The following KCMF1 variants were observed in gnomAD, a reference collection of about 807,000 sequenced individuals.
KCMF1 encodes potassium channel modulatory factor 1, also known as E3 ubiquitin-protein ligase KCMF1.
In KCMF1, 3 loss-of-function variants were observed where a neutral mutation model predicts 41.1. The observed-to-expected ratio is 0.07, with a 90% confidence interval of 0.03 to 0.19. KCMF1 has a LOEUF of 0.19. Ranked by LOEUF, KCMF1 falls within the 10% of genes least tolerant of loss-of-function variation. KCMF1 has a pLI of 1.00. For missense variants in KCMF1, 286 were observed against 488.9 expected (o/e 0.58, Z 3.91); for synonymous variants, 142 against 164.5 (o/e 0.86, Z 1.04).
chr2:85,058,054 G>A lies in KCMF1; in HGVS notation c.*4645G>A, dbSNP rs1675976744. On this transcript the variant is annotated 3_prime_UTR_variant, in exon 7 of 7. Transcript: ENST00000409785. The stretch of plus-strand genomic sequence containing the variant: ...GGTAACTTTACTTGCTGTACAGATA[G>A]TGCACAGATATGGATGAGGGCTGCA... The A allele has an allele frequency of 6.6e-6, 1 of 152,254 alleles. No individual in the cohort carries two copies. The highest frequency in any genetic ancestry group is 2.1e-4 in the South Asian group (1 of 4,832). The allele number at this position is 152,254 out of a possible 1,614,324, so 9.4% of individuals were successfully genotyped here. A position where few individuals can be genotyped will look rare whatever the true frequency, so the allele number is the denominator to read the frequency against.
At chr2:85,008,937 C>T (rs1055338907) in intron 1 of KCMF1, among the ~76,000 whole-genome samples, 1 of 151,902 alleles carries the variant, frequency 6.6e-6, no homozygotes, top group African/African-American at 2.4e-5. Context: ...ACTATATCGC[C>T]CTGGTTGGTC....
chr2:85,040,501 TCTC>T (rs1437602892), intron 3 of KCMF1, among the ~76,000 whole-genome samples: 1 of 152,174 alleles, frequency 6.6e-6, no homozygotes, highest in African/African-American at 2.4e-5. Flanking sequence ...CCCGCTTTGC[TCTC>T]CTTTTTCTTT....
intron 1 of KCMF1, among the ~76,000 whole-genome samples, chr2:85,009,065 G>A (rs1674590667): frequency 6.6e-6 from 1 of 152,038 alleles, no homozygotes; most frequent in Non-Finnish European, 1.5e-5. Context: ...GTTATGGTTT[G>A]GCTCTGTATC....
chr2:85,043,371 T>A (rs1675587755), intron 3 of KCMF1, among the ~76,000 whole-genome samples, 193 bp from the exon 4 acceptor site: 1 of 152,218 alleles, frequency 6.6e-6, no homozygotes, highest in South Asian at 2.1e-4. Flanking sequence ...TCTGAAACTG[T>A]TGTGTTTGAC....
chr2:85,035,240 T>C, intron 3 of KCMF1, 85 bp downstream of exon 3: 9 of 1,129,134 alleles, frequency 8.0e-6, no homozygotes, highest in Non-Finnish European at 8.8e-6. Context: ...CACTGTCATC[T>C]GCTTCCTGCT....
At chr2:84,985,441 T>C (rs1673876657) in intron 1 of KCMF1, among the ~76,000 whole-genome samples, 1 of 152,238 alleles carries the variant, frequency 6.6e-6, no homozygotes, top group Admixed American at 6.5e-5. Context: ...AGCTTTGTCT[T>C]TCTTGACCCC....
intron 1 of KCMF1, among the ~76,000 whole-genome samples, chr2:85,023,725 A>G (rs950436048): frequency 1.3e-5 from 2 of 152,232 alleles, no homozygotes; most frequent in Non-Finnish European, 2.9e-5. Context: ...GAATTTATTT[A>G]AGAGTGAAAT....
At chr2:84,983,532 A>C (rs536382340) in intron 1 of KCMF1, among the ~76,000 whole-genome samples, 3 of 151,770 alleles carry the variant, frequency 2.0e-5, no homozygotes, top group Non-Finnish European at 4.4e-5. Flanking sequence ...TTTGAGATAG[A>C]ATTTCGTTCT....
chr2:85,056,407 TAAAAG>T lies in KCMF1; in HGVS notation c.*3001_*3005del, dbSNP rs1481097396. On this transcript the variant is annotated 3_prime_UTR_variant, in exon 7 of 7. Transcript: ENST00000409785. ...TTTTTTCCGGTCTGTGGGCCACAGT[TAAAAG>T]AACGGGTAACAGGTTCAGAGTTCTC... 2 of 152,288 alleles carry T rather than the reference TAAAAG, an allele frequency of 1.3e-5. No homozygotes were observed. The highest frequency in any genetic ancestry group is 2.4e-5 in the African/African-American group (1 of 41,566). The allele number at this position is 152,288 out of a possible 1,614,324, so 9.4% of individuals were successfully genotyped here. A position where few individuals can be genotyped will look rare whatever the true frequency, so the allele number is the denominator to read the frequency against.
intron 5 of KCMF1, 31 bp downstream of exon 5, chr2:85,046,309 G>A (rs1675666206): frequency 1.3e-6 from 2 of 1,576,482 alleles, no homozygotes; most frequent in Non-Finnish European, 1.7e-6. Context: ...TAAGGGAAAT[G>A]GCAGGGGAAG....
chr2:85,017,150 G>A (rs1334328908), intron 1 of KCMF1, among the ~76,000 whole-genome samples: 2 of 150,078 alleles, frequency 1.3e-5, no homozygotes, highest in African/African-American at 2.4e-5. Flanking sequence ...TCAGCCTCCC[G>A]AGTAGCTGGG....
chr2:85,032,566 G>A (rs1394704449), intron 2 of KCMF1, among the ~76,000 whole-genome samples: 9 of 151,932 alleles, frequency 5.9e-5, no homozygotes, highest in East Asian at 1.9e-4. Flanking sequence ...TAGTAGAGAC[G>A]GGGTTTCACC....
intron 1 of KCMF1, among the ~76,000 whole-genome samples, chr2:84,986,616 G>C (rs145838843): frequency 1.3e-5 from 2 of 151,922 alleles, no homozygotes; most frequent in African/African-American, 4.8e-5. Flanking sequence ...GGTGGCTCAC[G>C]CCTGTAATCC....
intron 1 of KCMF1, among the ~76,000 whole-genome samples, chr2:84,978,091 A>G (rs1013860838): frequency 1.3e-5 from 2 of 151,408 alleles, no homozygotes; most frequent in African/African-American, 4.9e-5. Context: ...TACGCCTCCC[A>G]GGTTCAAGTG....
At position 85,053,527 on chromosome 2, in the gene KCMF1, G is replaced by T; in HGVS notation, c.*118G>T. The T allele has an allele frequency of 9.8e-7, 1 of 1,016,834 alleles. No homozygotes were observed. The highest frequency in any genetic ancestry group is 2.6e-5 in the East Asian group (1 of 38,370). The allele number at this position is 1,016,834 out of a possible 1,614,324, so 63.0% of individuals were successfully genotyped here. On this transcript the variant is annotated 3_prime_UTR_variant, in exon 7 of 7. Coordinates refer to ENST00000409785, the MANE Select transcript of KCMF1 (RefSeq NM_020122.5). ...TCAGGTCTGTCACTCTTGTTACATT[G>T]TGTACATTCAAAAGGAAGAGAGAAA...
rs537160312 is a variant in KCMF1 at position 84,986,729 on chromosome 2, A to T, written c.16+15262A>T. 1.3e-3 allele frequency among the ~76,000 whole-genome samples: 196 copies of T among 152,072 alleles called. 2 individuals carry two copies. Among genetic ancestry groups the T allele is most frequent in the African/African-American group, 4.4e-3 (184 of 41,488 alleles). On this transcript the variant is annotated intron_variant, in intron 1 of 6. Coordinates refer to ENST00000409785, the MANE Select transcript of KCMF1 (RefSeq NM_020122.5). ...TGTCTGTACTTAAGAAAAAAAAAAA[A>T]AAATTAGCCAGGCGTGGTGGTGGGC... is the stretch of plus-strand genomic sequence containing the variant.
At chr2:85,008,123 C>T (rs772671970) in intron 1 of KCMF1, among the ~76,000 whole-genome samples, 22 of 150,818 alleles carry the variant, frequency 1.5e-4, no homozygotes, top group Non-Finnish European at 2.5e-4. Flanking sequence ...AACCTCTGTT[C>T]CTAGAGGAAT....
At chr2:84,976,229 CAG>C (rs1559123489) in intron 1 of KCMF1, among the ~76,000 whole-genome samples, 1 of 137,256 alleles carries the variant, frequency 7.3e-6, no homozygotes, top group Middle Eastern at 4.2e-3. Flanking sequence ...TTTTTAAAGA[CAG>C]AGTCTCGCTC....
At chr2:85,023,489 T>A (rs943748209) in intron 1 of KCMF1, among the ~76,000 whole-genome samples, 8 of 150,962 alleles carry the variant, frequency 5.3e-5, no homozygotes, top group Non-Finnish European at 1.0e-4. Flanking sequence ...TGGCTAATTT[T>A]TTTTTGTATT....
Sources: allele counts gnomAD v4.1 joint callset (sites outside exome capture counted in the v4.1 genomes callset), GRCh38; gene constraint gnomAD v4.1.1; transcripts MANE v1.5; gene names NCBI Gene and HGNC (gene_info 2026-07-23, HGNC 2026-07-21).